The following SPTBN1 variants were observed in gnomAD, a reference collection of about 807,000 sequenced individuals.
The protein encoded by SPTBN1 is spectrin beta, non-erythrocytic 1.
In SPTBN1, 32 loss-of-function variants were observed where a neutral mutation model predicts 266.4. The ratio of observed to expected loss-of-function variants is 0.12; its 90% CI spans 0.09 to 0.16. The LOEUF (loss-of-function observed/expected upper bound fraction) is 0.16, where lower values mean the gene tolerates loss of function less well. SPTBN1 is among the 10% of genes least tolerant of loss of function. The pLI is 1.00. For synonymous variants in SPTBN1, 1,336 were observed against 1,162.2 expected (o/e 1.15, Z -3.04); for missense variants, 2,296 against 3,067.1 (o/e 0.75, Z 5.94).
At chr2:54,516,119 C>T (rs918521853) in intron 1 of SPTBN1, 3 of 152,122 alleles carry the variant, frequency 2.0e-5, no homozygotes, top group Non-Finnish European at 4.4e-5. Flanking sequence ...TTAAAGGGTT[C>T]TTGCCTTAGA....
At position 54,626,766 on chromosome 2, in the gene SPTBN1, A is replaced by T. The variant is rs1678367932; in HGVS notation, c.1644+532A>T. Among the ~76,000 whole-genome samples, 1 of 152,184 alleles carries T rather than the reference A, an allele frequency of 6.6e-6. No homozygotes were observed. Reference sequence around the variant, plus strand: ...ATTGTACTTACTATCTACCTCATCCAATTATTGCAAGGATGGAATGCGGTA... The same window carrying T: ...ATTGTACTTACTATCTACCTCATCCTATTATTGCAAGGATGGAATGCGGTA... On this transcript the variant is annotated intron_variant, in intron 12 of 35. Transcript: ENST00000356805. This position sits in a 1 kb window ranked among gnomAD's most constrained non-coding sequence, Gnocchi z 4.7.
chr2:54,562,487 A>C (rs756616903), intron 2 of SPTBN1, among the ~76,000 whole-genome samples: 10 of 143,410 alleles, frequency 7.0e-5, no homozygotes, highest in African/African-American at 1.6e-4. Context: ...TCAAATGCCT[A>C]CTCTTCCATT....
chr2:54,469,808 G>T (rs1195668477), intron 1 of SPTBN1, among the ~76,000 whole-genome samples: 1 of 152,206 alleles, frequency 6.6e-6, no homozygotes, highest in Non-Finnish European at 1.5e-5. Flanking sequence ...TCTGAGAGGG[G>T]CCTGGTCCTT....
Position 54,630,983 on chromosome 2 carries a change from A to T in SPTBN1, c.2936A>T (p.Glu979Val). 6.2e-7 allele frequency: 1 copy of T among 1,614,178 alleles called. No homozygotes were observed. Among genetic ancestry groups the T allele is most frequent in the Non-Finnish European group, 8.5e-7 (1 of 1,180,052 alleles). The change falls in exon 16 of 36, where the codon GAG becomes GTG. Residue 979 changes from glutamate to valine, a missense_variant. Around this residue, in one of 12 missense-constraint regions of SPTBN1, gnomAD observed 128 missense variants for 176.5 expected, o/e 0.73. Transcript: ENST00000356805. ...SWIREKTKVI[E>V]STQDLGNDLA... ...ATTCGGGAAAAGACCAAGGTCATCG[A>T]GTCCACCCAGGACCTGGGCAATGAC...
chr2:54,462,707 C>G (rs751726883), intron 1 of SPTBN1, among the ~76,000 whole-genome samples: 2 of 152,174 alleles, frequency 1.3e-5, no homozygotes, highest in Non-Finnish European at 2.9e-5. Flanking sequence ...GGTAAAATAC[C>G]TTTAACAGGC....
chr2:54,667,790 G>C (rs1681462447), intron 35 of SPTBN1, 144 bp downstream of exon 35: 2 of 730,718 alleles, frequency 2.7e-6, no homozygotes, highest in Admixed American at 4.7e-5. Context: ...AGCACTAGAA[G>C]GTGTTTGGTT....
At chr2:54,466,757 C>G (rs375646105) in intron 1 of SPTBN1, among the ~76,000 whole-genome samples, 17 of 151,938 alleles carry the variant, frequency 1.1e-4, no homozygotes, top group Admixed American at 3.3e-4. Context: ...CAAAAATATC[C>G]TAACACTTCT....
chr2:54,635,422 G>T (rs955850095), intron 17 of SPTBN1, among the ~76,000 whole-genome samples: 4 of 152,200 alleles, frequency 2.6e-5, no homozygotes, highest in African/African-American at 9.6e-5. Context: ...CGCATAGATC[G>T]GTGTCATTTG....
Position 54,630,991 on chromosome 2 carries a change from C to A in SPTBN1, c.2944C>A (p.Gln982Lys), listed in dbSNP as rs1486347371. The A allele has an allele frequency of 2.5e-6, 4 of 1,614,064 alleles. No individual in the cohort carries two copies. The highest frequency in any genetic ancestry group is 3.4e-6 in the Non-Finnish European group (4 of 1,180,046). ...REKTKVIEST[Q>K]DLGNDLAGVM... ...AAAGACCAAGGTCATCGAGTCCACC[C>A]AGGACCTGGGCAATGACCTGGCTGG... Residue 982 changes from glutamine to lysine, a missense_variant, in exon 16 of 36, where the codon CAG (glutamine) becomes AAG (lysine). Gln to Lys is a moderately conservative substitution (Grantham distance 53). Coordinates refer to ENST00000356805, the MANE Select transcript of SPTBN1 (RefSeq NM_003128.3).
chr2:54,566,185 C>CTTT (rs59369956), intron 2 of SPTBN1, among the ~76,000 whole-genome samples: 39 of 125,202 alleles, frequency 3.1e-4, no homozygotes, highest in Non-Finnish European at 3.8e-4. Flanking sequence ...TTTCTTTTTT[C>CTTT]TTTTTTTTTT....
chr2:54,627,943 G>A (rs1292598421), intron 12 of SPTBN1, among the ~76,000 whole-genome samples, 154 bp from the exon 13 acceptor site: 1 of 152,150 alleles, frequency 6.6e-6, no homozygotes, highest in African/African-American at 2.4e-5. Flanking sequence ...GTTCTGGTTT[G>A]TTGGCCATCA....
At chr2:54,471,508 A>G (rs6710809) in intron 1 of SPTBN1, among the ~76,000 whole-genome samples, 23,706 of 151,160 alleles carry the variant, frequency 0.16, 1,964 homozygotes, top group African/African-American at 0.18. Flanking sequence ...GCATTGTGCA[A>G]AGTGACCTGA....
chr2:54,472,807 G>C (rs1366166775), intron 1 of SPTBN1, among the ~76,000 whole-genome samples: 5 of 152,138 alleles, frequency 3.3e-5, no homozygotes, highest in Non-Finnish European at 7.3e-5. Flanking sequence ...ATGATTGGAA[G>C]TAAACTAAGA....
rs561430439 is a variant in SPTBN1, at chr2:54,635,415, A to G, written c.3768-2298A>G. 6.8e-4 allele frequency among the ~76,000 whole-genome samples: 103 copies of G among 152,358 alleles called. 1 individual carries two copies. Among genetic ancestry groups the G allele is most frequent in the South Asian group, 1.7e-3 (8 of 4,830 alleles). On this transcript the variant is annotated intron_variant, in intron 17 of 35. Transcript: ENST00000356805. The stretch of plus-strand genomic sequence containing the variant: ...ACGAAGGCCGTTGTCACACCTGCGC[A>G]TAGATCGGTGTCATTTGGACATGTG...
chr2:54,471,337 G>A (rs545578091), intron 1 of SPTBN1, among the ~76,000 whole-genome samples: 2 of 152,270 alleles, frequency 1.3e-5, no homozygotes, highest in South Asian at 4.1e-4. Flanking sequence ...TTCCTTACTT[G>A]GTGAGTGCTT....
chr2:54,649,885 C>T lies in SPTBN1; in HGVS notation c.5473C>T (p.His1825Tyr), dbSNP rs766329728. The T allele has an allele frequency of 3.7e-5, 60 of 1,614,210 alleles. No homozygotes were observed. Among genetic ancestry groups the T allele is most frequent in the Non-Finnish European group, 4.8e-5 (57 of 1,180,038 alleles). The change falls in exon 26 of 36, where the codon CAC becomes TAC. Residue 1825 changes from histidine to tyrosine, a missense_variant. By Grantham distance (83) the His-to-Tyr change is moderately conservative. Transcript: ENST00000356805. The surrounding 1 kb of genome is among the most constrained non-coding windows in gnomAD (Gnocchi z 6.7). ...GATCTTTGGGCGTATACAGGACAAA[C>T]ACAAGAAACTCCCTGAGGAGCTTGG... ...KEIFGRIQDK[H>Y]KKLPEELGRD... is the part of the protein sequence containing the mutation.
intron 2 of SPTBN1, among the ~76,000 whole-genome samples, chr2:54,546,208 G>A (rs763634550): frequency 6.6e-6 from 1 of 152,070 alleles, no homozygotes; most frequent in Non-Finnish European, 1.5e-5. Flanking sequence ...AAGAACCTTG[G>A]TCTGTTGCTT....
intron 1 of SPTBN1, among the ~76,000 whole-genome samples, chr2:54,463,321 C>T (rs1439683805): frequency 6.6e-6 from 1 of 152,198 alleles, no homozygotes; most frequent in African/African-American, 2.4e-5. Context: ...GACAAATAGA[C>T]AAGTCAAGTG....
chr2:54,608,387 G>T (rs547404072), intron 3 of SPTBN1, among the ~76,000 whole-genome samples: 11 of 152,314 alleles, frequency 7.2e-5, no homozygotes, highest in African/African-American at 2.6e-4. Flanking sequence ...TTGGAAATGG[G>T]AATGTCTCCG....
Sources: gnomAD v4.1 joint callset for allele counts (sites outside exome capture counted in the v4.1 genomes callset) on GRCh38, gnomAD v4.1.1 for gene constraint, gnomAD v4.1.1 regional missense constraint, Gnocchi (gnomAD v3.1) non-coding constraint, MANE v1.5 for transcripts, NCBI Gene and HGNC (gene_info 2026-07-23, HGNC 2026-07-21) for gene names.